Variants in AKIP1 observed in about 807,000 individuals in gnomAD.
The protein encoded by AKIP1 is A-kinase-interacting protein 1.
AKIP1 carries 18 observed loss-of-function variants against 22.3 expected under a neutral mutation model. The observed-to-expected ratio is 0.81, with a 90% CI of 0.56 to 1.19. The LOEUF (loss-of-function observed/expected upper bound fraction) is 1.19, where lower values mean the gene tolerates loss of function less well. Among genes scored for constraint, AKIP1 ranks in the 50% most tolerant of loss-of-function variants. AKIP1 has a pLI of 0.00. For synonymous variants in AKIP1, 120 were observed against 102.7 expected, an observed-to-expected ratio of 1.17 and a Z score of -1.02; for missense variants, 287 against 264.6, an observed-to-expected ratio of 1.08 and a Z score of -0.59.
intron 4 of AKIP1, among the ~76,000 whole-genome samples, chr11:8,916,744 C>T (rs1199227186): frequency 5.9e-5 from 9 of 152,160 alleles, no homozygotes; most frequent in Admixed American, 5.9e-4. Flanking sequence ...CCTTTTCTGG[C>T]CTAGCCTGAA....
chr11:8,911,741 C>G, intron 2 of AKIP1, 70 bp downstream of exon 2: 1 of 1,406,964 alleles, frequency 7.1e-7, no homozygotes, highest in Non-Finnish European at 9.4e-7. Flanking sequence ...GCCAGGGGTG[C>G]GCAGCGCAGA....
chr11:8,912,353 G>T (rs2064391600), intron 2 of AKIP1, 100 bp from the exon 3 acceptor site: 7 of 898,732 alleles, frequency 7.8e-6, no homozygotes, highest in Admixed American at 1.9e-5. Context: ...TAAACTTGCA[G>T]AGCCTTTCCA....
chr11:8,912,619 C>A, intron 3 of AKIP1, 86 bp downstream of exon 3: 1 of 1,212,936 alleles, frequency 8.2e-7, no homozygotes, highest in Non-Finnish European at 1.2e-6. Context: ...AGAATCTGGA[C>A]ACTACCTGTT....
chr11:8,918,269 A>G (rs1240624003), intron 5 of AKIP1: 2 of 152,354 alleles, frequency 1.3e-5, no homozygotes, highest in East Asian at 3.9e-4. Context: ...TAAATAGTTA[A>G]TGACATTGTC....
Position 8,919,799 on chromosome 11 carries a change from G to C in AKIP1, c.*319G>C, listed in dbSNP as rs2064552270. ...CTACAGGCACCCGCCACCATGCCCGGCTATTTTTTTTGTATTTTTAGTAGA... is the reference window on the plus strand; with the variant it reads ...CTACAGGCACCCGCCACCATGCCCGCCTATTTTTTTTGTATTTTTAGTAGA... On this transcript the variant is annotated 3_prime_UTR_variant, in exon 6 of 6. Transcript: ENST00000309377. 4.7e-6 allele frequency: 1 copy of C among 211,150 alleles called. No individual in the cohort carries two copies. Among genetic ancestry groups the C allele is most frequent in the Non-Finnish European group, 9.5e-6 (1 of 105,066 alleles). The allele number at this position is 211,150 out of a possible 1,614,324, so 13.1% of individuals were successfully genotyped here. A position where few individuals can be genotyped will look rare whatever the true frequency, so the allele number is the denominator to read the frequency against.
chr11:8,911,363 TG>T, intron 1 of AKIP1, 80 bp from the exon 2 acceptor site: 2 of 1,311,126 alleles, frequency 1.5e-6, no homozygotes, highest in Non-Finnish European at 2.1e-6. Flanking sequence ...AGGTCGAGGC[TG>T]GGGCTCCCAC....
chr11:8,917,390 A>G (rs758332755), intron 5 of AKIP1, 23 bp downstream of exon 5: 3 of 1,584,052 alleles, frequency 1.9e-6, no homozygotes, highest in South Asian at 2.2e-5. Flanking sequence ...CTGCTTACGC[A>G]CTGGGTTTCA....
chr11:8,912,247 G>A (rs2064386767), intron 2 of AKIP1, among the ~76,000 whole-genome samples: 1 of 151,118 alleles, frequency 6.6e-6, no homozygotes, highest in Non-Finnish European at 1.5e-5. Context: ...TGATAGTAGA[G>A]GAAAGCCTGC....
chr11:8,912,015 T>C (rs1184600583), intron 2 of AKIP1, among the ~76,000 whole-genome samples: 1 of 151,280 alleles, frequency 6.6e-6, no homozygotes, highest in African/African-American at 2.4e-5. Flanking sequence ...CTGACCAACA[T>C]GGAGAAATCC....
chr11:8,919,614 G>C lies in AKIP1; in HGVS notation c.*134G>C, dbSNP rs1589929315. On this transcript the variant is annotated 3_prime_UTR_variant, in exon 6 of 6. Transcript: ENST00000309377. Reference sequence around the variant, plus strand: ...GTCAGCCTTCCGGGAACTGGAGTCTGTCTCTTTCAGTGCTTTTTTGTTTGT... The same window carrying C: ...GTCAGCCTTCCGGGAACTGGAGTCTCTCTCTTTCAGTGCTTTTTTGTTTGT... 1 of 947,698 alleles carries C rather than the reference G, an allele frequency of 1.1e-6. No individual in the cohort carries two copies. Among genetic ancestry groups the C allele is most frequent in the East Asian group, 2.5e-5 (1 of 40,160 alleles). The allele number at this position is 947,698 out of a possible 1,614,324, so 58.7% of individuals were successfully genotyped here.
chr11:8,914,306 T>G (rs890800621), intron 3 of AKIP1, among the ~76,000 whole-genome samples: 1 of 152,186 alleles, frequency 6.6e-6, no homozygotes, highest in Non-Finnish European at 1.5e-5. Context: ...AATTAGAGAC[T>G]TCTCCCTCCA....
At chr11:8,912,837 A>G (rs566698295) in intron 3 of AKIP1, among the ~76,000 whole-genome samples, 42 of 151,212 alleles carry the variant, frequency 2.8e-4, no homozygotes, top group African/African-American at 1.0e-3. Context: ...CGAATTTCAT[A>G]GCAAATAAGT....
At chr11:8,911,769 T>G in intron 2 of AKIP1, 98 bp downstream of exon 2, 1 of 1,206,906 alleles carries the variant, frequency 8.3e-7, no homozygotes, top group Non-Finnish European at 1.1e-6. Context: ...GAGGAAACCT[T>G]CCCTTAGCGG....
At chr11:8,914,305 C>G (rs1250081839) in intron 3 of AKIP1, among the ~76,000 whole-genome samples, 2 of 152,220 alleles carry the variant, frequency 1.3e-5, no homozygotes, top group Middle Eastern at 3.2e-3. Flanking sequence ...AAATTAGAGA[C>G]TTCTCCCTCC....
rs754128869 is a variant in AKIP1, at chr11:8,911,597, G to A, written c.148G>A (p.Gly50Arg). 1 of 1,607,502 alleles carries A rather than the reference G, an allele frequency of 6.2e-7. No individual in the cohort carries two copies. The highest frequency in any genetic ancestry group is 1.3e-5 in the African/African-American group (1 of 74,746). The change falls in exon 2 of 6, where the codon GGG becomes AGG. Residue 50 changes from glycine to arginine, a missense_variant. Transcript: ENST00000309377. ...HALERPKGCM[G>R]VLAREAPHLE... ...CCTGGAGCGTCCCAAAGGCTGCATG[G>A]GGGTCCTTGCCCGGGAGGCGCCCCA...
At chr11:8,914,778 T>C in intron 3 of AKIP1, 48 bp from the exon 4 acceptor site, 1 of 1,487,910 alleles carries the variant, frequency 6.7e-7, no homozygotes, top group Non-Finnish European at 9.3e-7. Flanking sequence ...TTTTGAAAAT[T>C]TGACAAGACA....
At position 8,914,817 on chromosome 11, in the gene AKIP1, C is replaced by CG; in HGVS notation, c.304-8dup. On this transcript the variant is annotated splice_polypyrimidine_tract_variant and intron_variant, in intron 3 of 5. Transcript: ENST00000309377. ...TGGTTAGCTAACATCTTTGACATTACGTCTCTAGAAATATTATTCATCTGT... is the reference window on the plus strand; with the variant it reads ...TGGTTAGCTAACATCTTTGACATTACGGTCTCTAGAAATATTATTCATCTGT... 1 of 1,594,132 alleles carries CG rather than the reference C, an allele frequency of 6.3e-7. No homozygotes were observed. The highest frequency in any genetic ancestry group is 1.1e-5 in the South Asian group (1 of 90,034).
rs1418097476 is a variant in AKIP1, at chr11:8,919,562, A to G, written c.*82A>G. 2 of 1,465,448 alleles carry G rather than the reference A, an allele frequency of 1.4e-6. No homozygotes were observed. Among genetic ancestry groups the G allele is most frequent in the Non-Finnish European group, 1.9e-6 (2 of 1,074,570 alleles). The allele number at this position is 1,465,448 out of a possible 1,614,324, so 90.8% of individuals were successfully genotyped here. ...TGTATGATTCTCTTAATAGCTATAC[A>G]TTAATCCTGTTTTTAGTGCTGACTG... On this transcript the variant is annotated 3_prime_UTR_variant, in exon 6 of 6. Transcript: ENST00000309377.
intron 4 of AKIP1, 55 bp downstream of exon 4, chr11:8,914,985 C>A: frequency 1.4e-6 from 2 of 1,391,328 alleles, no homozygotes; most frequent in East Asian, 2.3e-5. Flanking sequence ...GATATGACAC[C>A]CTATATTCAA....
Sources: allele counts gnomAD v4.1 joint callset (sites outside exome capture counted in the v4.1 genomes callset), GRCh38; gene constraint gnomAD v4.1.1; transcripts MANE v1.5; gene names NCBI Gene and HGNC (gene_info 2026-07-23, HGNC 2026-07-21).